The following SKIC3 variants were observed in gnomAD, a reference collection of about 807,000 sequenced individuals.
The protein encoded by SKIC3 is superkiller complex protein 3.
At chr5:95,516,173 T>C in the SKIC3 span, among the ~76,000 whole-genome samples, 1,409 of 152,208 alleles carry the variant, frequency 9.3e-3, 23 homozygotes, top group African/African-American at 0.032. Flanking sequence ...GGAAAATAAA[T>C]CTTACACATT....
the SKIC3 span, among the ~76,000 whole-genome samples, chr5:95,525,908 T>C: frequency 6.6e-6 from 1 of 152,138 alleles, no homozygotes; most frequent in East Asian, 1.9e-4. Flanking sequence ...CATGTACCCA[T>C]CATCCAGCTA....
the SKIC3 span, among the ~76,000 whole-genome samples, chr5:95,510,061 C>A: frequency 1.3e-5 from 2 of 151,960 alleles, no homozygotes; most frequent in South Asian, 2.1e-4. Flanking sequence ...TTTCTCTTGG[C>A]GGTTCTGTTC....
chr5:95,543,857 C>G, the SKIC3 span, among the ~76,000 whole-genome samples: 1 of 152,160 alleles, frequency 6.6e-6, no homozygotes, highest in East Asian at 1.9e-4. Context: ...TTAAACAACA[C>G]CTGCCAACTG....
chr5:95,512,588 C>G, the SKIC3 span: 1 of 1,613,890 alleles, frequency 6.2e-7, no homozygotes, highest in Non-Finnish European at 8.5e-7. Flanking sequence ...GTTGTGCAGA[C>G]CCAATACGCA....
At chr5:95,465,651 A>G in the SKIC3 span, among the ~76,000 whole-genome samples, 36,626 of 152,062 alleles carry the variant, frequency 0.24, 5,765 homozygotes, top group African/African-American at 0.44. Flanking sequence ...AACAGCATGA[A>G]CATCAACATA....
At chr5:95,495,117 G>A in the SKIC3 span, 1 of 1,189,604 alleles carries the variant, frequency 8.4e-7, no homozygotes, top group Non-Finnish European at 1.2e-6. Flanking sequence ...CACTGGAAAG[G>A]TTCAGTTTTA....
the SKIC3 span, among the ~76,000 whole-genome samples, chr5:95,544,148 A>C: frequency 6.6e-6 from 1 of 152,200 alleles, no homozygotes; most frequent in Non-Finnish European, 1.5e-5. Context: ...TCTATCTGTG[A>C]ACACACTGAT....
chr5:95,503,346 A>G, the SKIC3 span, among the ~76,000 whole-genome samples: 3 of 152,200 alleles, frequency 2.0e-5, no homozygotes, highest in Non-Finnish European at 4.4e-5. Flanking sequence ...CGTGCAGCCC[A>G]GCAACTCCAT....
At chr5:95,520,615 A>T in the SKIC3 span, 1 of 867,348 alleles carries the variant, frequency 1.2e-6, no homozygotes, top group Non-Finnish European at 1.8e-6. Flanking sequence ...TGACATTCTG[A>T]GCAATTGCTA....
At chr5:95,492,275 G>A in the SKIC3 span, among the ~76,000 whole-genome samples, 1 of 152,070 alleles carries the variant, frequency 6.6e-6, no homozygotes, top group South Asian at 2.1e-4. Context: ...TTAGATCTGG[G>A]TTTCAGGTCT....
chr5:95,512,436 A>T, the SKIC3 span: 1 of 1,582,840 alleles, frequency 6.3e-7, no homozygotes, highest in Non-Finnish European at 8.6e-7. Context: ...TTATTTCAAT[A>T]GTTGCTCAAA....
chr5:95,464,816 CTG>C, the SKIC3 span: 10 of 682,642 alleles, frequency 1.5e-5, no homozygotes, highest in Middle Eastern at 2.7e-4. Context: ...AAAAGTGACT[CTG>C]TGCAATCTTT....
the SKIC3 span, among the ~76,000 whole-genome samples, chr5:95,511,899 A>G: frequency 6.6e-6 from 1 of 152,348 alleles, no homozygotes; most frequent in Admixed American, 6.5e-5. Flanking sequence ...AGTTTTATTA[A>G]AAAAGACGGA....
the SKIC3 span, chr5:95,547,218 C>T: frequency 6.9e-7 from 1 of 1,457,262 alleles, no homozygotes; most frequent in Non-Finnish European, 9.6e-7. Flanking sequence ...TTCCAACAAA[C>T]TTAGCCATCT....
At chr5:95,464,579 T>C in the SKIC3 span, 11 of 1,558,552 alleles carry the variant, frequency 7.1e-6, no homozygotes, top group Non-Finnish European at 9.7e-6. Flanking sequence ...GCTTTTTCTT[T>C]GCTTCCTTAC....
At chr5:95,528,018 C>G in the SKIC3 span, 3 of 1,613,392 alleles carry the variant, frequency 1.9e-6, no homozygotes, top group Non-Finnish European at 1.7e-6. Flanking sequence ...TCTACCTGAT[C>G]AAGCGTACGA....
At chr5:95,489,274 TA>T in the SKIC3 span, among the ~76,000 whole-genome samples, 42 of 145,510 alleles carry the variant, frequency 2.9e-4, no homozygotes, top group African/African-American at 4.0e-4. Flanking sequence ...CCTCATCTCT[TA>T]AAAAAAAAAA....
the SKIC3 span, among the ~76,000 whole-genome samples, chr5:95,474,456 G>C: frequency 6.6e-6 from 1 of 152,186 alleles, no homozygotes; most frequent in East Asian, 1.9e-4. Context: ...AAACTCTTCT[G>C]CTTCTAGCTC....
At chr5:95,520,857 T>C in the SKIC3 span, 1 of 1,377,646 alleles carries the variant, frequency 7.3e-7, no homozygotes, top group Non-Finnish European at 1.0e-6. Flanking sequence ...TTAAAACATA[T>C]AAAATAAACA....
Sources: gnomAD v4.1 joint callset for allele counts (sites outside exome capture counted in the v4.1 genomes callset) on GRCh38, gnomAD v4.1.1 for gene constraint, MANE v1.5 for transcripts, NCBI Gene and HGNC (gene_info 2026-07-23, HGNC 2026-07-21) for gene names.